Variants in PCDHGA1 observed in about 807,000 individuals in gnomAD.
The protein encoded by PCDHGA1 is protocadherin gamma-A1.
Under a neutral mutation model 58.0 loss-of-function variants are expected in PCDHGA1, and 32 were observed. That is an observed-to-expected ratio of 0.55 (90% CI 0.42 to 0.74). PCDHGA1 has a LOEUF of 0.74. PCDHGA1 is among the 30% of genes least tolerant of loss of function. The pLI is 0.00. For missense variants in PCDHGA1, 1,205 were observed against 1,182.3 expected, an observed-to-expected ratio of 1.02 and a Z score of -0.28; for synonymous variants, 498 against 501.1, an observed-to-expected ratio of 0.99 and a Z score of 0.08.
chr5:141,375,700 C>T (rs746996990), intron 1 of PCDHGA1: 9 of 1,614,270 alleles, frequency 5.6e-6, no homozygotes, highest in Middle Eastern at 3.3e-4. Flanking sequence ...ACAGCGGGGA[C>T]CCGCCTCTTA....
intron 1 of PCDHGA1, among the ~76,000 whole-genome samples, chr5:141,458,890 C>A (rs369529373): frequency 2.0e-5 from 3 of 152,042 alleles, no homozygotes; most frequent in African/African-American, 7.2e-5. Flanking sequence ...GCACACCATG[C>A]GCAGCTAATT....
At chr5:141,394,494 G>A (rs771645801) in intron 1 of PCDHGA1, 4 of 1,614,200 alleles carry the variant, frequency 2.5e-6, no homozygotes, top group Non-Finnish European at 1.7e-6. Flanking sequence ...CAACGCGCCC[G>A]AGATCCTGTA....
chr5:141,365,671 C>G, intron 1 of PCDHGA1: 1 of 1,613,394 alleles, frequency 6.2e-7, no homozygotes, highest in Admixed American at 1.7e-5. Flanking sequence ...ACGTTAATGA[C>G]AACCCACCCA....
At position 141,477,115 on chromosome 5, in the gene PCDHGA1, A is replaced by G. The variant is rs1218111107; in HGVS notation, c.2422-17692A>G. ...AAGACAAGGGCGCCAATCCCGAAGG[A>G]GCACATTGCAAAGTGTTGGTGGAGG... On this transcript the variant is annotated intron_variant, in intron 1 of 3. Transcript: ENST00000517417. This position sits in a 1 kb window ranked among gnomAD's most constrained non-coding sequence, Gnocchi z 4.9. 1 of 1,614,230 alleles carries G rather than the reference A, an allele frequency of 6.2e-7. No homozygotes were observed. Among genetic ancestry groups the G allele is most frequent in the South Asian group, 1.1e-5 (1 of 91,090 alleles).
At chr5:141,394,802 C>G (rs773531449) in intron 1 of PCDHGA1, 1 of 1,613,810 alleles carries the variant, frequency 6.2e-7, no homozygotes, top group South Asian at 1.1e-5. Context: ...TCACCGTAGC[C>G]GTGGCTGACA....
At chr5:141,501,470 TG>T (rs1206698871) in intron 2 of PCDHGA1, among the ~76,000 whole-genome samples, 1 of 152,068 alleles carries the variant, frequency 6.6e-6, no homozygotes, top group African/African-American at 2.4e-5. Flanking sequence ...CCCCAAATCC[TG>T]GAAGAGTCCC....
chr5:141,487,421 C>G lies in PCDHGA1; in HGVS notation c.2422-7386C>G. On this transcript the variant is annotated intron_variant, in intron 1 of 3. Transcript: ENST00000517417. This position sits in a 1 kb window ranked among gnomAD's most constrained non-coding sequence, Gnocchi z 5.0. ...GGGGCTTCCCCCTTCCAATGGGATC[C>G]TCCGAATCCAGCTAGGGTCAGATGA... 1 of 1,614,144 alleles carries G rather than the reference C, an allele frequency of 6.2e-7. No individual in the cohort carries two copies. The highest frequency in any genetic ancestry group is 8.5e-7 in the Non-Finnish European group (1 of 1,180,022).
At chr5:141,461,592 A>G (rs777372149) in intron 1 of PCDHGA1, among the ~76,000 whole-genome samples, 4 of 152,148 alleles carry the variant, frequency 2.6e-5, no homozygotes, top group African/African-American at 2.4e-5. Flanking sequence ...TTATATTTCC[A>G]TTATAATTTA....
At chr5:141,478,840 A>G (rs2099480064) in intron 1 of PCDHGA1, 1 of 1,410,466 alleles carries the variant, frequency 7.1e-7, no homozygotes, top group Non-Finnish European at 9.3e-7. Context: ...AGGGATGGTT[A>G]AGCTAAAACA....
At chr5:141,405,403 T>A (rs1430892971) in intron 1 of PCDHGA1, 2 of 1,586,108 alleles carry the variant, frequency 1.3e-6, no homozygotes, top group Non-Finnish European at 1.7e-6. Flanking sequence ...TCTTTCTTTC[T>A]TTTCTTTTTT....
At chr5:141,428,241 A>C (rs1416124194) in intron 1 of PCDHGA1, 1 of 961,518 alleles carries the variant, frequency 1.0e-6, no homozygotes, top group Admixed American at 2.0e-5. Flanking sequence ...TGCAGGAGGC[A>C]CTGCCAGACT....
At chr5:141,416,722 A>C (rs891558095) in intron 1 of PCDHGA1, 3 of 152,258 alleles carry the variant, frequency 2.0e-5, no homozygotes, top group African/African-American at 7.2e-5. Context: ...TGATGAGTTC[A>C]TTTAGTTCAA....
At chr5:141,371,577 G>C (rs202142331) in intron 1 of PCDHGA1, 2 of 1,613,866 alleles carry the variant, frequency 1.2e-6, no homozygotes, top group Admixed American at 3.3e-5. Flanking sequence ...CTTTAAAATC[G>C]TTCAAGATAC....
intron 1 of PCDHGA1, among the ~76,000 whole-genome samples, chr5:141,480,689 C>A (rs1266042791): frequency 6.6e-6 from 1 of 152,126 alleles, no homozygotes; most frequent in Non-Finnish European, 1.5e-5. Flanking sequence ...AATTCTGAAA[C>A]CCAGGCCACA....
At chr5:141,408,651 C>G (rs373860648) in intron 1 of PCDHGA1, 3 of 1,614,012 alleles carry the variant, frequency 1.9e-6, no homozygotes, top group South Asian at 1.1e-5. Context: ...TCCGCTGGTA[C>G]ACGACTATCG....
intron 1 of PCDHGA1, among the ~76,000 whole-genome samples, chr5:141,474,187 T>A (rs2099345004): frequency 6.6e-6 from 1 of 152,210 alleles, no homozygotes; most frequent in South Asian, 2.1e-4. Context: ...ACTACTTACA[T>A]TTTTAAAAGC....
At chr5:141,405,083 C>T in intron 1 of PCDHGA1, 1 of 1,613,942 alleles carries the variant, frequency 6.2e-7, no homozygotes, top group Non-Finnish European at 8.5e-7. Flanking sequence ...CGTTATCACG[C>T]TGCTGGCCCT....
intron 1 of PCDHGA1, among the ~76,000 whole-genome samples, chr5:141,484,092 G>A (rs1594371151): frequency 6.6e-6 from 1 of 152,102 alleles, no homozygotes; most frequent in African/African-American, 2.4e-5. Flanking sequence ...AATGGTCTTC[G>A]TTGGTAATTA....
chr5:141,345,766 C>T lies in PCDHGA1; in HGVS notation c.2421+12661C>T. 3 of 1,614,172 alleles carry T rather than the reference C, an allele frequency of 1.9e-6. No homozygotes were observed. The South Asian group carries it at 3.3e-5, about 18-fold the overall frequency. ...GACGGTTCCACTGGCGTGGAGCTGG[C>T]GCCTCGCTCCGCAGAGCCCGGCTAC... On this transcript the variant is annotated intron_variant, in intron 1 of 3. Coordinates refer to ENST00000517417, the MANE Select transcript of PCDHGA1 (RefSeq NM_018912.3).
Sources: allele counts gnomAD v4.1 joint callset (sites outside exome capture counted in the v4.1 genomes callset), GRCh38; gene constraint gnomAD v4.1.1; non-coding constraint Gnocchi (gnomAD v3.1); transcripts MANE v1.5; gene names NCBI Gene and HGNC (gene_info 2026-07-23, HGNC 2026-07-21).